The following COL12A1 variants were observed in gnomAD, a reference collection of about 807,000 sequenced individuals.
COL12A1 encodes the protein collagen type XII alpha 1 chain.
COL12A1 carries 114 observed loss-of-function variants against 349.7 expected under a neutral mutation model. That is an observed-to-expected ratio of 0.33 (90% CI 0.28 to 0.38). The LOEUF is 0.38. Ranked by LOEUF, COL12A1 falls within the 10% of genes least tolerant of loss-of-function variation. The pLI is 1.00. For missense variants in COL12A1, 3,284 were observed against 3,756.9 expected, an observed-to-expected ratio of 0.87 and a Z score of 3.29; for synonymous variants, 1,369 against 1,329.0, an observed-to-expected ratio of 1.03 and a Z score of -0.66.
In COL12A1 at chr6:75,128,423, G is replaced by C; in HGVS notation, c.6213C>G (p.Thr2071=). The change falls in exon 38 of 66, where the codon ACC becomes ACG. Residue 2071 remains threonine, a splice_region_variant and synonymous_variant. Coordinates refer to ENST00000322507, the MANE Select transcript of COL12A1 (RefSeq NM_004370.6). ...PTVGDPIDEY[T]TVPGRRNNVI... is the part of the protein sequence containing the mutation. ...CATTGTTTCTTCTGCCTGGGACTGT[G>C]GTCTATAGAGGAAGTTAAATTATAA... 6.4e-7 allele frequency: 1 copy of C among 1,566,966 alleles called. No homozygotes were observed.
intron 21 of COL12A1, 55 bp downstream of exon 21, chr6:75,151,086 A>C: frequency 2.3e-6 from 1 of 429,824 alleles, no homozygotes; most frequent in Non-Finnish European, 3.7e-6. Flanking sequence ...AAGAATAATT[A>C]TTTGGCCCAA....
chr6:75,091,918 CT>C (rs1352745779), intron 60 of COL12A1, among the ~76,000 whole-genome samples: 1 of 152,168 alleles, frequency 6.6e-6, no homozygotes, highest in Non-Finnish European at 1.5e-5. Context: ...ATCTGAGCTG[CT>C]TATTGTGGAA....
intron 55 of COL12A1, among the ~76,000 whole-genome samples, chr6:75,103,509 T>G (rs1768401698): frequency 6.6e-6 from 1 of 152,168 alleles, no homozygotes; most frequent in South Asian, 2.1e-4. Flanking sequence ...GCCAAGGCCT[T>G]AAAGATCTTC....
rs140859226 is a variant in COL12A1 at position 75,198,165 on chromosome 6, T to C, written c.74-3218A>G. On this transcript the variant is annotated intron_variant, in intron 2 of 65. Transcript: ENST00000322507. The stretch of plus-strand genomic sequence containing the variant: ...ATGCAAAGTAGAAGAAATATTTCCA[T>C]CAAAAATTAACTTTAGAAAACAATA... 2.0e-4 allele frequency among the ~76,000 whole-genome samples: 30 copies of C among 152,324 alleles called. No individual in the cohort carries two copies. In the East Asian group the frequency reaches 5.0e-3, roughly 25 times the overall value.
rs1029379585 is a variant in COL12A1, at chr6:75,155,731, C to G, written c.3374G>C (p.Gly1125Ala). Reference protein sequence around the residue: ...KGYKVTFHPTGDDRRLGELVV... With the variant: ...KGYKVTFHPTADDRRLGELVV... ...TAACTCCCCCAGTCTTCTGTCATCC[C>G]CCGTAGGGTGGAATGTGACTTTATA... Residue 1125 changes from glycine (G) to alanine (A), a missense_variant, in exon 16 of 66, where the codon GGG (glycine) becomes GCG (alanine). By Grantham distance (60) the Gly-to-Ala change is moderately conservative. Around this residue, in one of 2 missense-constraint regions of COL12A1, gnomAD observed 2,601 missense variants for 2,824.8 expected, o/e 0.92. Transcript: ENST00000322507. 3 of 1,613,020 alleles carry G rather than the reference C, an allele frequency of 1.9e-6. No individual in the cohort carries two copies. Among genetic ancestry groups the G allele is most frequent in the Non-Finnish European group, 2.5e-6 (3 of 1,179,550 alleles).
chr6:75,184,865 T>G (rs1769527902), intron 8 of COL12A1, among the ~76,000 whole-genome samples: 1 of 152,200 alleles, frequency 6.6e-6, no homozygotes, highest in Non-Finnish European at 1.5e-5. Flanking sequence ...AATATCAAAA[T>G]TCTGGATTTG....
chr6:75,105,429 T>A (rs76348881), intron 53 of COL12A1, 137 bp from the exon 54 acceptor site: 1 of 653,100 alleles, frequency 1.5e-6, no homozygotes, highest in Admixed American at 2.8e-5. Flanking sequence ...ATGAATAGTC[T>A]TATGTTGAAA....
chr6:75,158,149 C>A (rs904474219), intron 14 of COL12A1, among the ~76,000 whole-genome samples: 1 of 152,146 alleles, frequency 6.6e-6, no homozygotes, highest in Non-Finnish European at 1.5e-5. Flanking sequence ...GATTGAAGGT[C>A]TCCCACCACT....
intron 59 of COL12A1, among the ~76,000 whole-genome samples, chr6:75,096,995 G>A (rs554204924): frequency 1.3e-5 from 2 of 152,108 alleles, no homozygotes; most frequent in African/African-American, 4.8e-5. Context: ...AGAAACTGAG[G>A]CACCAACCAG....
intron 1 of COL12A1, among the ~76,000 whole-genome samples, chr6:75,203,082 C>T (rs1382698108): frequency 6.6e-6 from 1 of 152,168 alleles, no homozygotes; most frequent in Non-Finnish European, 1.5e-5. Context: ...TGCTTAGCAT[C>T]CCGGGTGAAG....
chr6:75,188,490 G>A lies in COL12A1; in HGVS notation c.869C>T (p.Thr290Ile). The change falls in exon 8 of 66, where the codon ACA becomes ATA. Residue 290 changes from threonine to isoleucine, a missense_variant. Thr to Ile is a moderately conservative substitution (Grantham distance 89). Transcript: ENST00000322507. ...ATTGAAAACATGGTTCAGTGAAGGT[G>A]TGGAGGCAATTTGTTTGAGTTCTTT... is the stretch of plus-strand genomic sequence containing the variant. ...DAKELKQIAS[T>I]PSLNHVFNVA... 1 of 1,613,452 alleles carries A rather than the reference G, an allele frequency of 6.2e-7. No individual in the cohort carries two copies. The highest frequency in any genetic ancestry group is 2.2e-5 in the East Asian group (1 of 44,858).
At chr6:75,112,982 AAATAAGC>A (rs1488158127) in intron 51 of COL12A1, 18 of 290,554 alleles carry the variant, frequency 6.2e-5, no homozygotes, top group Non-Finnish European at 1.0e-4. Flanking sequence ...TTTTAAAAAG[AAATAAGC>A]ATTAAAAATA....
At chr6:75,114,017 A>C (rs538247598) in intron 49 of COL12A1, among the ~76,000 whole-genome samples, 13 of 151,956 alleles carry the variant, frequency 8.6e-5, no homozygotes, top group East Asian at 5.8e-4. Flanking sequence ...TAAAGTCACA[A>C]AAGTCTGGGA....
intron 40 of COL12A1, 90 bp downstream of exon 40, chr6:75,125,037 T>C (rs1344642865): frequency 7.8e-7 from 1 of 1,288,930 alleles, no homozygotes; most frequent in Admixed American, 2.5e-5. Context: ...AGGAAACATG[T>C]ATATGTTCAG....
chr6:75,185,101 T>C (rs1005491040), intron 8 of COL12A1, among the ~76,000 whole-genome samples: 1 of 152,174 alleles, frequency 6.6e-6, no homozygotes, highest in Non-Finnish European at 1.5e-5. Flanking sequence ...CTATTCAACA[T>C]AGTATTGGAA....
intron 60 of COL12A1, among the ~76,000 whole-genome samples, chr6:75,092,039 T>G (rs766153976): frequency 2.6e-5 from 4 of 152,132 alleles, no homozygotes; most frequent in Non-Finnish European, 4.4e-5. Context: ...TTTGTACATT[T>G]GAGATAAAAG....
chr6:75,092,506 C>T (rs1767820684), intron 60 of COL12A1, among the ~76,000 whole-genome samples: 1 of 152,108 alleles, frequency 6.6e-6, no homozygotes, highest in Non-Finnish European at 1.5e-5. Context: ...TAGAGTGCAA[C>T]AAGTTTTTGT....
chr6:75,198,867 G>A lies in COL12A1; in HGVS notation c.73+3853C>T, dbSNP rs144653868. The stretch of plus-strand genomic sequence containing the variant: ...TACTAAGATCTTTAGTTTGATATCT[G>A]TGATAACAACACTGGAAAGGATACT... On this transcript the variant is annotated intron_variant, in intron 2 of 65. Coordinates refer to ENST00000322507, the MANE Select transcript of COL12A1 (RefSeq NM_004370.6). 2.1e-3 allele frequency among the ~76,000 whole-genome samples: 323 copies of A among 152,268 alleles called. 2 individuals carry two copies. The highest frequency in any genetic ancestry group is 0.014 in the Admixed American group (214 of 15,292).
chr6:75,134,727 G>C lies in COL12A1; in HGVS notation c.5523C>G (p.Thr1841=), dbSNP rs1239470849. The change falls in exon 32 of 66, where the codon ACC becomes ACG. Residue 1841 remains threonine (T), a splice_region_variant and synonymous_variant. Transcript: ENST00000322507. ...EGGRMTGRGK[T]KPLNTVRNLR... is the part of the protein sequence containing the mutation. ...TATAGGAACTCAGGTTTCACTTACT[G>C]GTCTTGCCTCTTCCCGTCATCCGAC... The C allele has an allele frequency of 6.2e-7, 1 of 1,602,538 alleles. No individual in the cohort carries two copies.
Sources: allele counts gnomAD v4.1 joint callset (sites outside exome capture counted in the v4.1 genomes callset), GRCh38; gene constraint gnomAD v4.1.1; regional missense constraint gnomAD v4.1.1; transcripts MANE v1.5; gene names NCBI Gene and HGNC (gene_info 2026-07-23, HGNC 2026-07-21).